The following GALNT14 variants were observed in gnomAD, a reference collection of about 807,000 sequenced individuals.
The protein encoded by GALNT14 is UDP-GalNAc:polypeptide N-acetylgalactosaminyltransferase 14.
In GALNT14, 60 loss-of-function variants were observed where a neutral mutation model predicts 77.5. The ratio of observed to expected loss-of-function variants is 0.77; its 90% CI spans 0.63 to 0.96. GALNT14 has a LOEUF of 0.96. Ranked by LOEUF, GALNT14 falls within the 40% of genes least tolerant of loss-of-function variation. GALNT14 has a pLI of 0.00. For missense variants in GALNT14, 710 were observed against 731.0 expected (o/e 0.97, Z 0.33); for synonymous variants, 280 against 281.7 (o/e 0.99, Z 0.06).
At position 31,138,263 on chromosome 2, in the gene GALNT14, G is replaced by A. The variant is rs1679319539; in HGVS notation, c.-177C>T. 1.3e-6 allele frequency: 1 copy of A among 752,170 alleles called. No homozygotes were observed. The highest frequency in any genetic ancestry group is 2.1e-6 in the Non-Finnish European group (1 of 473,548). The allele number at this position is 752,170 out of a possible 1,614,324, so 46.6% of individuals were successfully genotyped here. A position where few individuals can be genotyped will look rare whatever the true frequency, so the allele number is the denominator to read the frequency against. On this transcript the variant is annotated 5_prime_UTR_variant, in exon 1 of 15. Coordinates refer to ENST00000349752, the MANE Select transcript of GALNT14 (RefSeq NM_024572.4). ...CGCCCTTCCCGCTTCGAAGAGAAGCGAGCCTGGGTGGGGGGTGCAGGGCGA... is the reference window on the plus strand; with the variant it reads ...CGCCCTTCCCGCTTCGAAGAGAAGCAAGCCTGGGTGGGGGGTGCAGGGCGA...
chr2:31,102,114 T>C (rs1677309605), intron 1 of GALNT14, among the ~76,000 whole-genome samples: 1 of 152,190 alleles, frequency 6.6e-6, no homozygotes, highest in Admixed American at 6.5e-5. Context: ...AATGGACTAA[T>C]ACACCCCCAA....
At chr2:30,937,921 C>A (rs1033036068) in intron 9 of GALNT14, among the ~76,000 whole-genome samples, 1 of 152,114 alleles carries the variant, frequency 6.6e-6, no homozygotes, top group Non-Finnish European at 1.5e-5. Flanking sequence ...CCCAAGGATG[C>A]ATAGCGATGA....
At chr2:31,022,650 T>C (rs758934015) in intron 1 of GALNT14, among the ~76,000 whole-genome samples, 36 of 152,246 alleles carry the variant, frequency 2.4e-4, no homozygotes, top group Non-Finnish European at 3.7e-4. Flanking sequence ...TCAAGAAGCA[T>C]AGAGCTTCCT....
chr2:30,913,122 G>A (rs1467640533), intron 13 of GALNT14, among the ~76,000 whole-genome samples: 2 of 152,156 alleles, frequency 1.3e-5, no homozygotes, highest in African/African-American at 4.8e-5. Flanking sequence ...AGAGATCACA[G>A]AGTAACTGGA....
intron 1 of GALNT14, among the ~76,000 whole-genome samples, chr2:30,995,751 C>T (rs1269624319): frequency 6.6e-6 from 1 of 152,168 alleles, no homozygotes; most frequent in Non-Finnish European, 1.5e-5. Context: ...CCTTCCACCT[C>T]GGCCTCCCAA....
At chr2:31,080,767 T>A (rs1676108650) in intron 1 of GALNT14, among the ~76,000 whole-genome samples, 1 of 152,238 alleles carries the variant, frequency 6.6e-6, no homozygotes, top group African/African-American at 2.4e-5. Flanking sequence ...TAAACCCTAA[T>A]GTCATGATTC....
At chr2:31,079,411 G>A (rs1434635278) in intron 1 of GALNT14, among the ~76,000 whole-genome samples, 3 of 152,214 alleles carry the variant, frequency 2.0e-5, no homozygotes, top group African/African-American at 7.2e-5. Context: ...CCTTACCTCT[G>A]AGGAAGAGCT....
At chr2:30,969,623 T>C (rs1295478962) in intron 2 of GALNT14, among the ~76,000 whole-genome samples, 1 of 151,970 alleles carries the variant, frequency 6.6e-6, no homozygotes, top group Non-Finnish European at 1.5e-5. Context: ...CTGGATCTCA[T>C]GGGGGTAAAG....
At chr2:31,015,666 G>C (rs1036542073) in intron 1 of GALNT14, among the ~76,000 whole-genome samples, 1 of 152,162 alleles carries the variant, frequency 6.6e-6, no homozygotes, top group Non-Finnish European at 1.5e-5. Flanking sequence ...TCCCCTATAA[G>C]GATGTACTGA....
chr2:31,132,644 C>T (rs974472500), intron 1 of GALNT14: 1 of 459,264 alleles, frequency 2.2e-6, no homozygotes, highest in South Asian at 1.6e-5. Flanking sequence ...CAGACTCCAT[C>T]TTGCTTCTAA....
Position 31,071,442 on chromosome 2 carries a change from T to G in GALNT14, c.129+66516A>C, listed in dbSNP as rs149850256. ...AGCAATTAGGAGCTGAAATCAAGGGTGGATGGAAAAACCTCATTCAGAAAC... is the reference window on the plus strand; with the variant it reads ...AGCAATTAGGAGCTGAAATCAAGGGGGGATGGAAAAACCTCATTCAGAAAC... On this transcript the variant is annotated intron_variant, in intron 1 of 14. Transcript: ENST00000349752. 6.1e-4 allele frequency among the ~76,000 whole-genome samples: 92 copies of G among 152,028 alleles called. No homozygotes were observed. The South Asian group carries it at 9.8e-3, about 16-fold the overall frequency.
At chr2:31,077,058 A>G (rs1187043256) in intron 1 of GALNT14, among the ~76,000 whole-genome samples, 1 of 152,200 alleles carries the variant, frequency 6.6e-6, no homozygotes, top group African/African-American at 2.4e-5. Context: ...TCCTTATAAT[A>G]ATTGCAGCTT....
At chr2:31,006,735 T>A (rs754775537) in intron 1 of GALNT14, among the ~76,000 whole-genome samples, 1 of 152,204 alleles carries the variant, frequency 6.6e-6, no homozygotes, top group Non-Finnish European at 1.5e-5. Context: ...TTAATCCACG[T>A]GCCCAAAGGT....
intron 1 of GALNT14, among the ~76,000 whole-genome samples, chr2:31,127,275 A>G (rs991726405): frequency 6.6e-6 from 1 of 152,228 alleles, no homozygotes; most frequent in African/African-American, 2.4e-5. Context: ...ATATAAATGC[A>G]ATCACACAGC....
intron 6 of GALNT14, among the ~76,000 whole-genome samples, chr2:30,949,644 C>T (rs753932899): frequency 6.6e-6 from 1 of 152,220 alleles, no homozygotes; most frequent in Non-Finnish European, 1.5e-5. Flanking sequence ...TGCCATCAGG[C>T]CTCTCATTTC....
chr2:31,040,273 C>G lies in GALNT14; in HGVS notation c.130-47266G>C, dbSNP rs376925465. On this transcript the variant is annotated intron_variant, in intron 1 of 14. Coordinates refer to ENST00000349752, the MANE Select transcript of GALNT14 (RefSeq NM_024572.4). ...CATTACTGAAAGAGGCTAAAAGGAA[C>G]AAGAGGTATTTTCCTTCCCTTGTCT... Among the ~76,000 whole-genome samples, 45 of 152,260 alleles carry G rather than the reference C, an allele frequency of 3.0e-4. No individual in the cohort carries two copies. The East Asian group carries it at 3.1e-3, about 10-fold the overall frequency.
the GALNT14 span, among the ~76,000 whole-genome samples, chr2:30,902,195 G>A: frequency 6.6e-6 from 1 of 152,186 alleles, no homozygotes; most frequent in Non-Finnish European, 1.5e-5. Context: ...GTGATTGTCA[G>A]CTTTGCCTCG....
intron 1 of GALNT14, among the ~76,000 whole-genome samples, chr2:31,034,167 C>T (rs1672573957): frequency 6.6e-6 from 1 of 152,294 alleles, no homozygotes; most frequent in Non-Finnish European, 1.5e-5. Context: ...GCCATCAAAT[C>T]CTGTGACATC....
intron 13 of GALNT14, 22 bp downstream of exon 13, chr2:30,924,097 T>A: frequency 6.2e-7 from 1 of 1,614,152 alleles, no homozygotes; most frequent in Non-Finnish European, 8.5e-7. Flanking sequence ...CATGGTCCTG[T>A]ATGCCCAGCC....
Sources: allele counts gnomAD v4.1 joint callset (sites outside exome capture counted in the v4.1 genomes callset), GRCh38; gene constraint gnomAD v4.1.1; transcripts MANE v1.5; gene names NCBI Gene and HGNC (gene_info 2026-07-23, HGNC 2026-07-21).